Variants in METAP1D observed in about 807,000 individuals in gnomAD.
METAP1D encodes methionyl aminopeptidase type 1D, mitochondrial.
METAP1D carries 31 observed loss-of-function variants against 40.5 expected under a neutral mutation model. That is an observed-to-expected ratio of 0.77 (90% CI 0.58 to 1.03). METAP1D has a LOEUF of 1.03. METAP1D is among the 50% of genes least tolerant of loss of function. The probability of loss-of-function intolerance (pLI) is 0.00; values close to 1 mark genes in which losing one functional copy is unlikely to be tolerated. For missense variants in METAP1D, 411 were observed against 420.7 expected (o/e 0.98, Z 0.20); for synonymous variants, 151 against 146.4 (o/e 1.03, Z -0.22).
At chr2:172,059,305 G>A (rs1168899675) in intron 1 of METAP1D, among the ~76,000 whole-genome samples, 5 of 151,396 alleles carry the variant, frequency 3.3e-5, no homozygotes, top group Non-Finnish European at 7.4e-5. Context: ...GACAAGGTGT[G>A]GGATTACAGG....
At chr2:172,054,304 G>A (rs1228676479) in intron 1 of METAP1D, among the ~76,000 whole-genome samples, 1 of 152,022 alleles carries the variant, frequency 6.6e-6, no homozygotes, top group Non-Finnish European at 1.5e-5. Context: ...GGCGGATCAC[G>A]AGGTCAGGAG....
chr2:172,006,340 C>T (rs1349502107), intron 1 of METAP1D, among the ~76,000 whole-genome samples: 3 of 152,076 alleles, frequency 2.0e-5, no homozygotes, highest in Non-Finnish European at 4.4e-5. Context: ...CCTGCCACCA[C>T]GCCCAGCTAA....
At chr2:172,068,254 G>A (rs1238193959) in intron 5 of METAP1D, among the ~76,000 whole-genome samples, 1 of 152,014 alleles carries the variant, frequency 6.6e-6, no homozygotes, top group African/African-American at 2.4e-5. Flanking sequence ...TTAGCCCTGT[G>A]TGGGGGCAGG....
rs1209862020 is a variant in METAP1D, at chr2:172,081,846, C to G, written c.*1440C>G. 2 of 152,208 alleles carry G rather than the reference C, an allele frequency of 1.3e-5. No individual in the cohort carries two copies. The highest frequency in any genetic ancestry group is 2.9e-5 in the Non-Finnish European group (2 of 68,056). The allele number at this position is 152,208 out of a possible 1,614,324, so 9.4% of individuals were successfully genotyped here. A position where few individuals can be genotyped will look rare whatever the true frequency, so the allele number is the denominator to read the frequency against. ...GTCCTCGGCCAGGACTAAGAGCCAG[C>G]TCATCTTTGTAACATTCATAATACG... On this transcript the variant is annotated 3_prime_UTR_variant, in exon 10 of 10. Coordinates refer to ENST00000315796, the MANE Select transcript of METAP1D (RefSeq NM_199227.3).
chr2:172,073,873 A>G (rs1284614955), intron 6 of METAP1D, among the ~76,000 whole-genome samples: 2 of 152,230 alleles, frequency 1.3e-5, no homozygotes, highest in Admixed American at 6.5e-5. Context: ...CTACTGATAC[A>G]CTAGGAAAAG....
intron 1 of METAP1D, among the ~76,000 whole-genome samples, chr2:172,058,708 A>G (rs1690055736): frequency 6.6e-6 from 1 of 152,166 alleles, no homozygotes; most frequent in Non-Finnish European, 1.5e-5. Flanking sequence ...AAGAAATGAT[A>G]TTACTGACAT....
intron 6 of METAP1D, among the ~76,000 whole-genome samples, chr2:172,076,688 G>C (rs1381222388): frequency 1.3e-5 from 2 of 152,226 alleles, no homozygotes; most frequent in Admixed American, 1.3e-4. Context: ...TTAGAAAAAT[G>C]TATAAACATG....
rs1559007719 is a variant in METAP1D at position 172,042,645 on chromosome 2, GTGTA to G, written c.41-18849_41-18846del. 3.9e-5 allele frequency among the ~76,000 whole-genome samples: 2 copies of G among 51,938 alleles called. 1 individual carries two copies. 34.1% of individuals were successfully genotyped at this position (51,938 alleles called of 152,430 possible). A position where few individuals can be genotyped will look rare whatever the true frequency, so the allele number is the denominator to read the frequency against. ...TGTATGTGTACACATATACATATGT[GTGTA>G]TGTGTATATGTGTACACATATACGT... On this transcript the variant is annotated intron_variant, in intron 1 of 9. Transcript: ENST00000315796.
At position 172,045,507 on chromosome 2, in the gene METAP1D, T is replaced by C. The variant is rs56133201; in HGVS notation, c.41-15991T>C. On this transcript the variant is annotated intron_variant, in intron 1 of 9. Transcript: ENST00000315796. ...GAAACCCCGTCTCTACTAAAAAATA[T>C]AAAATTAGCCGGGCGTGGTGGCGCA... 2.6e-3 allele frequency among the ~76,000 whole-genome samples: 213 copies of C among 81,772 alleles called. 16 individuals carry two copies. Among genetic ancestry groups the C allele is most frequent in the South Asian group, 6.5e-3 (17 of 2,602 alleles). The allele number at this position is 81,772 out of a possible 152,430, so 53.6% of individuals were successfully genotyped here.
chr2:172,041,727 TATATATATATATATATA>T (rs1199508919), intron 1 of METAP1D, among the ~76,000 whole-genome samples: 2 of 2,940 alleles, frequency 6.8e-4, no homozygotes, highest in Non-Finnish European at 1.5e-3. Flanking sequence ...CTAATTATTT[TATATATATATATATATA>T]TATATATATA....
intron 1 of METAP1D, among the ~76,000 whole-genome samples, chr2:172,038,368 T>G (rs1172220047): frequency 6.6e-6 from 1 of 152,204 alleles, no homozygotes; most frequent in Non-Finnish European, 1.5e-5. Context: ...GTATTTATCT[T>G]AGTGTAGAGC....
rs1480798410 is a variant in METAP1D, at chr2:172,043,790, A to G, written c.41-17708A>G. Among the ~76,000 whole-genome samples, 2 of 135,248 alleles carry G rather than the reference A, an allele frequency of 1.5e-5. 1 individual carries two copies. Among genetic ancestry groups the G allele is most frequent in the Non-Finnish European group, 3.5e-5 (2 of 57,936 alleles). The allele number at this position is 135,248 out of a possible 152,430, so 88.7% of individuals were successfully genotyped here. On this transcript the variant is annotated intron_variant, in intron 1 of 9. Transcript: ENST00000315796. Reference sequence around the variant, plus strand: ...TGTGAAGGCATTTCTTATCTTAAAGAAGACGTTAAATATTTTAGAGTCAAC... The same window carrying G: ...TGTGAAGGCATTTCTTATCTTAAAGGAGACGTTAAATATTTTAGAGTCAAC...
intron 1 of METAP1D, among the ~76,000 whole-genome samples, chr2:172,008,270 A>G (rs1409777988): frequency 1.3e-5 from 2 of 152,190 alleles, no homozygotes; most frequent in African/African-American, 4.8e-5. Context: ...ATTAGTGGCC[A>G]TTGGCAATCA....
intron 1 of METAP1D, among the ~76,000 whole-genome samples, chr2:172,013,052 T>G (rs1385369175): frequency 6.6e-6 from 1 of 152,196 alleles, no homozygotes; most frequent in Non-Finnish European, 1.5e-5. Context: ...TAACAGGGGA[T>G]TTAGCCTAGT....
intron 5 of METAP1D, 67 bp from the exon 6 acceptor site, chr2:172,070,840 C>T: frequency 3.8e-6 from 5 of 1,299,894 alleles, no homozygotes; most frequent in Non-Finnish European, 5.2e-6. Context: ...TAAATGAATA[C>T]AATGTATACT....
intron 1 of METAP1D, among the ~76,000 whole-genome samples, chr2:172,001,537 CAG>C (rs1292164401): frequency 6.9e-6 from 1 of 145,074 alleles, no homozygotes; most frequent in East Asian, 2.0e-4. Context: ...GACTCCGTCT[CAG>C]AAAAAAAAAA....
intron 1 of METAP1D, among the ~76,000 whole-genome samples, chr2:172,036,738 G>T (rs1689399942): frequency 6.6e-6 from 1 of 152,048 alleles, no homozygotes; most frequent in Non-Finnish European, 1.5e-5. Context: ...TTTCTTTTAT[G>T]TGTATACCTA....
intron 6 of METAP1D, among the ~76,000 whole-genome samples, chr2:172,071,489 T>C (rs1209739381): frequency 6.6e-6 from 1 of 152,222 alleles, no homozygotes; most frequent in Non-Finnish European, 1.5e-5. Flanking sequence ...TTCTGTGATA[T>C]GAAGATAATA....
At chr2:172,064,502 C>T (rs181043911) in intron 3 of METAP1D, 1 of 152,238 alleles carries the variant, frequency 6.6e-6, no homozygotes, top group East Asian at 1.9e-4. Flanking sequence ...CACCTGTAGT[C>T]CCAGCTACTT....
Sources: gnomAD v4.1 joint callset for allele counts (sites outside exome capture counted in the v4.1 genomes callset) on GRCh38, gnomAD v4.1.1 for gene constraint, MANE v1.5 for transcripts, NCBI Gene and HGNC (gene_info 2026-07-23, HGNC 2026-07-21) for gene names.